RNGTT: variants seen among roughly 807,000 people sequenced by gnomAD.
RNGTT encodes RNA guanylyltransferase and 5'-phosphatase.
RNGTT carries 33 observed loss-of-function variants against 79.3 expected under a neutral mutation model. The observed-to-expected ratio is 0.42, with a 90% CI of 0.32 to 0.56. The LOEUF is 0.56. Among genes scored for constraint, RNGTT ranks in the 20% least tolerant of loss-of-function variants. RNGTT has a pLI of 0.17. For missense variants in RNGTT, 497 were observed against 739.1 expected (o/e 0.67, Z 3.80); for synonymous variants, 222 against 235.9 (o/e 0.94, Z 0.54).
At chr6:88,631,357 T>C (rs1772875670) in intron 14 of RNGTT, among the ~76,000 whole-genome samples, 1 of 152,230 alleles carries the variant, frequency 6.6e-6, no homozygotes, top group African/African-American at 2.4e-5. Context: ...ATTGTCTTTT[T>C]AGGTAGTCTT....
intron 11 of RNGTT, among the ~76,000 whole-genome samples, chr6:88,839,663 C>A (rs1193190365): frequency 6.6e-6 from 1 of 152,096 alleles, no homozygotes; most frequent in African/African-American, 2.4e-5. Context: ...GATGGATACA[C>A]TAAAAGCTAA....
intron 4 of RNGTT, among the ~76,000 whole-genome samples, chr6:88,921,585 C>A (rs1784166935): frequency 6.6e-6 from 1 of 152,008 alleles, no homozygotes; most frequent in South Asian, 2.1e-4. Flanking sequence ...TTCTCTGGGG[C>A]AGTACTCTCA....
At chr6:88,740,637 C>T (rs889726164) in intron 13 of RNGTT, among the ~76,000 whole-genome samples, 1 of 152,072 alleles carries the variant, frequency 6.6e-6, no homozygotes, top group Non-Finnish European at 1.5e-5. Flanking sequence ...TGGAAGCCAT[C>T]ACCCTCAGCA....
chr6:88,617,535 T>C (rs907190164), intron 14 of RNGTT, among the ~76,000 whole-genome samples: 1 of 152,204 alleles, frequency 6.6e-6, no homozygotes, highest in Non-Finnish European at 1.5e-5. Context: ...TCTGCTCCAT[T>C]GATTTGTATC....
At chr6:88,674,363 C>T (rs1774776867) in intron 14 of RNGTT, among the ~76,000 whole-genome samples, 1 of 152,072 alleles carries the variant, frequency 6.6e-6, no homozygotes, top group Admixed American at 6.5e-5. Context: ...GCCTGGACAA[C>T]ATGGTGAAAC....
chr6:88,927,300 G>A (rs1458689774), intron 4 of RNGTT, among the ~76,000 whole-genome samples: 1 of 151,780 alleles, frequency 6.6e-6, no homozygotes, highest in Non-Finnish European at 1.5e-5. Context: ...AGGTAGGCAG[G>A]CAGATCACCC....
At chr6:88,905,946 A>G (rs1255411580) in intron 5 of RNGTT, among the ~76,000 whole-genome samples, 2 of 152,136 alleles carry the variant, frequency 1.3e-5, no homozygotes, top group African/African-American at 4.8e-5. Flanking sequence ...GGAATTCAAG[A>G]TCAGCCTGGG....
chr6:88,766,681 T>C (rs956340553), intron 13 of RNGTT, among the ~76,000 whole-genome samples: 1 of 152,108 alleles, frequency 6.6e-6, no homozygotes, highest in African/African-American at 2.4e-5. Flanking sequence ...ATCTATACTA[T>C]TAGCACCTCA....
chr6:88,697,999 C>T (rs199946426), intron 13 of RNGTT, among the ~76,000 whole-genome samples: 5 of 56,664 alleles, frequency 8.8e-5, no homozygotes, highest in African/African-American at 4.1e-4. Context: ...ATATGAAATA[C>T]ATATATGATA....
At chr6:88,863,998 C>T (rs1202255989) in intron 8 of RNGTT, among the ~76,000 whole-genome samples, 2 of 152,068 alleles carry the variant, frequency 1.3e-5, no homozygotes, top group Non-Finnish European at 2.9e-5. Context: ...TTGCAACTTG[C>T]TTATTCTCCT....
chr6:88,796,967 T>G (rs1478907599), intron 12 of RNGTT, among the ~76,000 whole-genome samples: 2 of 152,206 alleles, frequency 1.3e-5, no homozygotes, highest in Non-Finnish European at 1.5e-5. Context: ...TACGGTTTAT[T>G]GCACCTTTTC....
At chr6:88,626,306 T>G (rs1772631402) in intron 14 of RNGTT, among the ~76,000 whole-genome samples, 1 of 152,046 alleles carries the variant, frequency 6.6e-6, no homozygotes, top group African/African-American at 2.4e-5. Flanking sequence ...ATTCTAGGTC[T>G]TCATGAATCA....
At chr6:88,617,861 C>T (rs185780730) in intron 14 of RNGTT, among the ~76,000 whole-genome samples, 55 of 137,130 alleles carry the variant, frequency 4.0e-4, no homozygotes, top group African/African-American at 1.7e-3. Context: ...AGAAACACTG[C>T]TTAATTAAAA....
chr6:88,921,094 A>G (rs1219853550), intron 4 of RNGTT, among the ~76,000 whole-genome samples: 5 of 152,216 alleles, frequency 3.3e-5, no homozygotes, highest in Admixed American at 2.6e-4. Context: ...AAGCTTAAGT[A>G]GTCTTAGGAT....
intron 11 of RNGTT, among the ~76,000 whole-genome samples, chr6:88,812,974 T>C (rs968304530): frequency 8.5e-5 from 13 of 152,166 alleles, no homozygotes; most frequent in African/African-American, 3.1e-4. Context: ...AAGGAGGTAA[T>C]ACATACAAAA....
At chr6:88,901,570 G>T (rs187244314) in intron 6 of RNGTT, among the ~76,000 whole-genome samples, 2 of 138,938 alleles carry the variant, frequency 1.4e-5, no homozygotes, top group East Asian at 4.3e-4. Context: ...GCAGTGGCGC[G>T]ATCTCAGCTC....
At chr6:88,721,415 TTTTG>T (rs1204661044) in intron 13 of RNGTT, among the ~76,000 whole-genome samples, 1 of 151,434 alleles carries the variant, frequency 6.6e-6, no homozygotes. Context: ...AAATCTAATT[TTTTG>T]TTTGTTTTTG....
chr6:88,792,311 C>T (rs1779449374), intron 12 of RNGTT, among the ~76,000 whole-genome samples: 1 of 152,144 alleles, frequency 6.6e-6, no homozygotes, highest in Non-Finnish European at 1.5e-5. Flanking sequence ...TTCTTACTTC[C>T]TCCTTACAAA....
chr6:88,847,988 T>C (rs897620678), intron 10 of RNGTT, among the ~76,000 whole-genome samples: 1 of 151,828 alleles, frequency 6.6e-6, no homozygotes, highest in Admixed American at 6.6e-5. Flanking sequence ...TCCAACTTCA[T>C]TGGTAATCAG....
Sources: allele counts gnomAD v4.1 joint callset (sites outside exome capture counted in the v4.1 genomes callset), GRCh38; gene constraint gnomAD v4.1.1; transcripts MANE v1.5; gene names NCBI Gene and HGNC (gene_info 2026-07-23, HGNC 2026-07-21).